Variants in FRMPD4 observed in about 807,000 individuals in gnomAD.
FRMPD4 encodes the protein FERM and PDZ domain-containing protein 4.
In FRMPD4, 22 loss-of-function variants were observed where a neutral mutation model predicts 94.1. The ratio of observed to expected loss-of-function variants is 0.23; its 90% CI spans 0.17 to 0.33. The LOEUF is 0.33. FRMPD4 is among the 10% of genes least tolerant of loss of function. The pLI is 1.00. For missense variants in FRMPD4, 1,111 were observed against 1,339.9 expected (o/e 0.83, Z 2.67); for synonymous variants, 631 against 548.6 (o/e 1.15, Z -2.10).
intron 2 of FRMPD4, among the ~76,000 whole-genome samples, chrX:12,556,794 G>T (rs1030980394): frequency 1.3e-4 from 15 of 111,750 alleles, no homozygotes; most frequent in Admixed American, 2.8e-4. Flanking sequence ...CCCTCTGAAG[G>T]TTCTCTGCAA....
At chrX:12,689,233 ATG>A (rs1227485857) in intron 7 of FRMPD4, among the ~76,000 whole-genome samples, 1 of 111,961 alleles carries the variant, frequency 8.9e-6, no homozygotes, top group African/African-American at 3.2e-5. Context: ...ATTGTAGTAA[ATG>A]TGTGTGTTTG....
chrX:12,349,012 C>T lies in FRMPD4; in HGVS notation c.42-149668C>T, dbSNP rs113209057. Reference sequence around the variant, plus strand: ...GGGGACTGGAAGAAAAGGGAGAGCTCCATAAATGGGGGAGGCAGATGGGAA... The same window carrying T: ...GGGGACTGGAAGAAAAGGGAGAGCTTCATAAATGGGGGAGGCAGATGGGAA... On this transcript the variant is annotated intron_variant, in intron 1 of 16. Transcript: ENST00000675598. 7.1e-3 allele frequency among the ~76,000 whole-genome samples: 800 copies of T among 111,982 alleles called. 8 individuals are homozygous for T. The highest frequency in any genetic ancestry group is 0.025 in the African/African-American group (762 of 30,799).
At chrX:12,644,578 G>C (rs920304) in intron 4 of FRMPD4, among the ~76,000 whole-genome samples, 2,459 of 111,059 alleles carry the variant, frequency 0.022, 60 homozygotes, top group African/African-American at 0.076. Flanking sequence ...ACATGTCTGT[G>C]GTTCACCTTC....
In FRMPD4 at chrX:12,337,251, T is replaced by G. The variant is rs189279203; in HGVS notation, c.42-161429T>G. Reference sequence around the variant, plus strand: ...AGTGTTCATTAAGAGACTTTTCTGTTTATTCATTAGCTCAATATTTTTTAA... The same window carrying G: ...AGTGTTCATTAAGAGACTTTTCTGTGTATTCATTAGCTCAATATTTTTTAA... On this transcript the variant is annotated intron_variant, in intron 1 of 16. Coordinates refer to ENST00000675598, the MANE Select transcript of FRMPD4 (RefSeq NM_001368397.1). Among the ~76,000 whole-genome samples, 101 of 112,143 alleles carry G rather than the reference T, an allele frequency of 9.0e-4. 2 individuals carry two copies. In the Admixed American group the frequency reaches 9.0e-3, roughly 10 times the overall value.
intron 3 of FRMPD4, among the ~76,000 whole-genome samples, chrX:12,099,480 A>G (rs1282809419): frequency 8.9e-6 from 1 of 112,174 alleles, no homozygotes; most frequent in Non-Finnish European, 1.9e-5. Context: ...TCAAAGCCCA[A>G]ATTAGAAAAT....
intron 1 of FRMPD4, among the ~76,000 whole-genome samples, chrX:11,851,241 G>A (rs184283574): frequency 8.9e-6 from 1 of 111,812 alleles, no homozygotes; most frequent in Non-Finnish European, 1.9e-5. Context: ...TTGCTGAAAT[G>A]GTTGTTGTTT....
chrX:12,569,563 G>A (rs1602144573), intron 2 of FRMPD4, among the ~76,000 whole-genome samples: 1 of 109,825 alleles, frequency 9.1e-6, no homozygotes, highest in Non-Finnish European at 1.9e-5. Flanking sequence ...TGGAAACTTA[G>A]AAAAAATAGT....
At chrX:12,661,431 A>G (rs1483631173) in intron 4 of FRMPD4, among the ~76,000 whole-genome samples, 2 of 112,095 alleles carry the variant, frequency 1.8e-5, no homozygotes, top group African/African-American at 6.5e-5. Flanking sequence ...CAATATCTAT[A>G]GAATTGGTAG....
chrX:12,264,523 AAT>A (rs1490367047), intron 1 of FRMPD4, among the ~76,000 whole-genome samples: 1 of 111,980 alleles, frequency 8.9e-6, no homozygotes, highest in African/African-American at 3.2e-5. Context: ...GCCCTATATT[AAT>A]ATGTCTAAAA....
At chrX:12,480,104 A>G (rs2057663229) in intron 1 of FRMPD4, among the ~76,000 whole-genome samples, 1 of 110,975 alleles carries the variant, frequency 9.0e-6, no homozygotes, top group Non-Finnish European at 1.9e-5. Flanking sequence ...TTTAAAAAAT[A>G]GGAAAAGAAG....
In FRMPD4 at chrX:12,451,333, A is replaced by G. The variant is rs765831167; in HGVS notation, c.42-47347A>G. Among the ~76,000 whole-genome samples the G allele has an allele frequency of 1.3e-4, 15 of 111,898 alleles. No homozygotes were observed. In the South Asian group the frequency reaches 5.6e-3, roughly 42 times the overall value. ...AATGACACTTTCCTCTTTTTCAGAC[A>G]ATACCCAATTGTGTTTGGAAAATGG... On this transcript the variant is annotated intron_variant, in intron 1 of 16. Transcript: ENST00000675598.
chrX:12,053,591 A>G (rs1042248173), intron 3 of FRMPD4, among the ~76,000 whole-genome samples: 3 of 111,003 alleles, frequency 2.7e-5, no homozygotes, highest in South Asian at 3.9e-4. Flanking sequence ...ACCAAGCTCA[A>G]TCGAGGCCTG....
At chrX:12,514,997 G>C (rs181318631) in intron 2 of FRMPD4, among the ~76,000 whole-genome samples, 1 of 111,726 alleles carries the variant, frequency 9.0e-6, no homozygotes, top group Non-Finnish European at 1.9e-5. Context: ...TTTCTAGTTT[G>C]TTTGCATAGA....
intron 5 of FRMPD4, among the ~76,000 whole-genome samples, chrX:12,681,291 C>T (rs1281571472): frequency 8.9e-6 from 1 of 112,136 alleles, no homozygotes; most frequent in Non-Finnish European, 1.9e-5. Context: ...ATAATGTTTT[C>T]CCTTCAGCTA....
intron 1 of FRMPD4, among the ~76,000 whole-genome samples, chrX:11,823,393 T>C (rs781357541): frequency 3.2e-4 from 35 of 110,515 alleles, no homozygotes; most frequent in Non-Finnish European, 5.1e-4. Flanking sequence ...CTAACACTCC[T>C]TACAATTCAA....
intron 4 of FRMPD4, among the ~76,000 whole-genome samples, chrX:12,634,288 C>G (rs1319481212): frequency 2.7e-5 from 3 of 112,255 alleles, no homozygotes; most frequent in African/African-American, 6.5e-5. Flanking sequence ...ATGTCTGTGT[C>G]TAATAAATGG....
At chrX:12,091,033 A>G (rs1163281535) in intron 3 of FRMPD4, among the ~76,000 whole-genome samples, 2 of 112,295 alleles carry the variant, frequency 1.8e-5, no homozygotes, top group Admixed American at 9.4e-5. Context: ...AATGGCAAAC[A>G]CTTTTATTTT....
intron 1 of FRMPD4, among the ~76,000 whole-genome samples, chrX:12,454,224 C>T (rs373681622): frequency 5.3e-5 from 6 of 112,151 alleles, no homozygotes; most frequent in South Asian, 3.7e-4. Flanking sequence ...ATGAGCTTAT[C>T]TTTTTCCTAA....
chrX:12,585,490 A>T (rs1422721046), intron 2 of FRMPD4, among the ~76,000 whole-genome samples: 1 of 112,084 alleles, frequency 8.9e-6, no homozygotes, highest in Non-Finnish European at 1.9e-5. Context: ...AAGTGCTGAG[A>T]TTACAGGTAT....
Sources: allele counts gnomAD v4.1 joint callset (sites outside exome capture counted in the v4.1 genomes callset), GRCh38; gene constraint gnomAD v4.1.1; transcripts MANE v1.5; gene names NCBI Gene and HGNC (gene_info 2026-07-23, HGNC 2026-07-21).